ADD3: variants seen among roughly 807,000 people sequenced by gnomAD.
The protein encoded by ADD3 is gamma-adducin.
Under a neutral mutation model 80.2 loss-of-function variants are expected in ADD3, and 25 were observed. The observed-to-expected ratio is 0.31, with a 90% CI of 0.23 to 0.44. ADD3 has a LOEUF of 0.44. Ranked by LOEUF, ADD3 falls within the 20% of genes least tolerant of loss-of-function variation. The pLI is 1.00. For missense variants in ADD3, 829 were observed against 847.5 expected (o/e 0.98, Z 0.27); for synonymous variants, 284 against 289.6 (o/e 0.98, Z 0.20).
At chr10:110,055,555 T>G (rs1858078538) in intron 1 of ADD3, among the ~76,000 whole-genome samples, 1 of 152,078 alleles carries the variant, frequency 6.6e-6, no homozygotes, top group South Asian at 2.1e-4. Flanking sequence ...GATTTTTTTT[T>G]CTAAGAAAAG....
upstream of ADD3, chr10:110,005,966 T>G: frequency 4.4e-6 from 1 of 227,468 alleles, no homozygotes; most frequent in Admixed American, 5.3e-5. Context: ...CTACTCAGCA[T>G]TGAGAGAAGC....
intron 1 of ADD3, among the ~76,000 whole-genome samples, chr10:110,044,312 C>T (rs987099209): frequency 8.5e-5 from 13 of 152,140 alleles, no homozygotes; most frequent in African/African-American, 4.8e-5. Context: ...GAGAATTTGT[C>T]GCTTTATATT....
chr10:110,036,731 G>A (rs111829977), intron 1 of ADD3, among the ~76,000 whole-genome samples: 10 of 151,994 alleles, frequency 6.6e-5, no homozygotes, highest in African/African-American at 2.4e-4. Flanking sequence ...CACTCTCTGA[G>A]GTATTGTCAT....
At position 110,014,927 on chromosome 10, in the gene ADD3, G is replaced by A. The variant is rs1852767955; in HGVS notation, c.-30+6628G>A. On this transcript the variant is annotated intron_variant, in intron 1 of 14. Transcript: ENST00000356080. Reference sequence around the variant, plus strand: ...TCTCGCACTGTTGCCAGGCTGGAGTGCAGTGGCGTGATCTCGGCTCAATGC... The same window carrying A: ...TCTCGCACTGTTGCCAGGCTGGAGTACAGTGGCGTGATCTCGGCTCAATGC... Among the ~76,000 whole-genome samples the A allele has an allele frequency of 2.0e-5, 3 of 152,106 alleles. No homozygotes were observed. In the South Asian group the frequency reaches 6.2e-4, roughly 32 times the overall value.
intron 1 of ADD3, among the ~76,000 whole-genome samples, chr10:110,092,684 A>G (rs1010342677): frequency 9.2e-5 from 14 of 152,114 alleles, no homozygotes; most frequent in African/African-American, 2.9e-4. Flanking sequence ...CAATTTACCT[A>G]TGTAACAGAC....
At chr10:110,083,836 C>T (rs1301488000) in intron 1 of ADD3, among the ~76,000 whole-genome samples, 4 of 152,114 alleles carry the variant, frequency 2.6e-5, no homozygotes. Context: ...CTCTTACTAC[C>T]TTTTAAAGGT....
chr10:110,037,278 G>C (rs1391414654), intron 1 of ADD3, among the ~76,000 whole-genome samples: 1 of 152,194 alleles, frequency 6.6e-6, no homozygotes. Context: ...TTGTGACACA[G>C]TCACGTAGTG....
chr10:110,062,302 G>C lies in ADD3; in HGVS notation c.-29-38323G>C, dbSNP rs561826329. 4.0e-5 allele frequency among the ~76,000 whole-genome samples: 6 copies of C among 150,744 alleles called. No individual in the cohort carries two copies. The East Asian group carries it at 1.2e-3, about 29-fold the overall frequency. ...CCAGCTACCTGGGAGGCTGAGGCAG[G>C]AGAATGGCTTGAACCTGGAAGGCAG... On this transcript the variant is annotated intron_variant, in intron 1 of 14. Transcript: ENST00000356080.
intron 1 of ADD3, among the ~76,000 whole-genome samples, chr10:110,023,996 C>T (rs1182882567): frequency 3.3e-5 from 5 of 152,056 alleles, no homozygotes; most frequent in Non-Finnish European, 7.4e-5. Flanking sequence ...ACAGAACAGT[C>T]GACACTGGGG....
intron 1 of ADD3, among the ~76,000 whole-genome samples, chr10:110,082,536 T>G (rs1343186125): frequency 2.6e-5 from 4 of 152,226 alleles, no homozygotes; most frequent in Non-Finnish European, 4.4e-5. Flanking sequence ...TTTACTTCTC[T>G]CCACAATTAT....
intron 1 of ADD3, among the ~76,000 whole-genome samples, chr10:110,027,787 A>G (rs553047715): frequency 1.3e-5 from 2 of 152,124 alleles, no homozygotes; most frequent in African/African-American, 2.4e-5. Flanking sequence ...CTTCAGAGAG[A>G]AAAAAAACAC....
At chr10:110,004,235 A>AT (rs1234842468), upstream of ADD3, among the ~76,000 whole-genome samples, 1 of 151,832 alleles carries the variant, frequency 6.6e-6, no homozygotes, top group Non-Finnish European at 1.5e-5. Flanking sequence ...TGTAGGAGGC[A>AT]TTAAAAAAAA....
chr10:110,050,430 A>G (rs1176728241), intron 1 of ADD3, among the ~76,000 whole-genome samples: 1 of 151,506 alleles, frequency 6.6e-6, no homozygotes, highest in Admixed American at 6.6e-5. Context: ...CTGCCACCAT[A>G]TAAGACATGT....
intron 1 of ADD3, among the ~76,000 whole-genome samples, chr10:110,071,235 T>C (rs1406215257): frequency 2.0e-5 from 3 of 152,162 alleles, no homozygotes; most frequent in Non-Finnish European, 4.4e-5. Context: ...GAGCCCCATA[T>C]CCTTAGATGG....
intron 1 of ADD3, among the ~76,000 whole-genome samples, chr10:110,100,279 G>C (rs1199825708): frequency 6.6e-6 from 1 of 151,518 alleles, no homozygotes; most frequent in African/African-American, 2.4e-5. Context: ...GAACCCAGGA[G>C]GTGGAGGTTG....
At chr10:110,025,074 T>C (rs903531090) in intron 1 of ADD3, among the ~76,000 whole-genome samples, 3 of 152,144 alleles carry the variant, frequency 2.0e-5, no homozygotes, top group Middle Eastern at 3.4e-3. Context: ...TTTTGTATTT[T>C]TAATAGCGTC....
At chr10:110,086,391 A>C (rs1170723430) in intron 1 of ADD3, among the ~76,000 whole-genome samples, 1 of 152,204 alleles carries the variant, frequency 6.6e-6, no homozygotes, top group Admixed American at 6.5e-5. Context: ...GCCTGGGGAC[A>C]GAGTGAGACT....
intron 1 of ADD3, among the ~76,000 whole-genome samples, chr10:110,017,729 A>G (rs1235007621): frequency 1.3e-5 from 2 of 152,340 alleles, no homozygotes; most frequent in South Asian, 2.1e-4. Flanking sequence ...GTTTTTGTGC[A>G]TACCAAGTAC....
chr10:110,118,491 T>C, intron 5 of ADD3, 96 bp from the exon 6 acceptor site: 1 of 1,074,490 alleles, frequency 9.3e-7, no homozygotes, highest in Non-Finnish European at 1.4e-6. Context: ...CTATCTGACC[T>C]TTTACAAAAA....
Sources: allele counts gnomAD v4.1 joint callset (sites outside exome capture counted in the v4.1 genomes callset), GRCh38; gene constraint gnomAD v4.1.1; transcripts MANE v1.5; gene names NCBI Gene and HGNC (gene_info 2026-07-23, HGNC 2026-07-21).